SEM1: variants seen among roughly 807,000 people sequenced by gnomAD.
SEM1 encodes the protein 26S proteasome complex subunit SEM1.
A neutral mutation model predicts 12.7 loss-of-function variants in SEM1; 3 were observed. The observed-to-expected ratio is 0.24, with a 90% CI of 0.11 to 0.61. SEM1 has a LOEUF of 0.61. Among genes scored for constraint, SEM1 ranks in the 20% least tolerant of loss-of-function variants. The pLI is 0.88. For missense variants in SEM1, 59 were observed against 81.3 expected, an observed-to-expected ratio of 0.73 and a Z score of 1.06; for synonymous variants, 30 against 27.8, an observed-to-expected ratio of 1.08 and a Z score of -0.25.
intron 2 of SEM1, among the ~76,000 whole-genome samples, chr7:96,644,334 T>G (rs367580914): frequency 6.6e-6 from 1 of 152,146 alleles, no homozygotes; most frequent in African/African-American, 2.4e-5. Flanking sequence ...CCAAGTTCTA[T>G]CAGCCTTGTA....
chr7:96,709,395 T>C (rs908311818), intron 1 of SEM1, among the ~76,000 whole-genome samples: 1 of 152,112 alleles, frequency 6.6e-6, no homozygotes, highest in South Asian at 2.1e-4. Context: ...GTAACCCAGG[T>C]GAACAGTAAA....
intron 3 of SEM1, among the ~76,000 whole-genome samples, chr7:96,484,329 A>G (rs1802665791): frequency 6.6e-6 from 1 of 152,152 alleles, no homozygotes; most frequent in Non-Finnish European, 1.5e-5. Context: ...CTTCACCACA[A>G]TGACTTTAAC....
At chr7:96,687,836 T>C (rs1488072518), downstream of SEM1, 1 of 152,110 alleles carries the variant, frequency 6.6e-6, no homozygotes, top group Non-Finnish European at 1.5e-5. Flanking sequence ...AAAACTTTTA[T>C]ACTTTCCAAA....
chr7:96,675,071 G>A (rs1047483261), intron 2 of SEM1, among the ~76,000 whole-genome samples: 17 of 152,064 alleles, frequency 1.1e-4, no homozygotes, highest in East Asian at 1.9e-4. Context: ...TCATGGACAT[G>A]GCCATCATCC....
At position 96,486,088 on chromosome 7, in the gene SEM1, T is replaced by C. The variant is rs984376955; in HGVS notation, c.227+115A>G. 50 of 701,034 alleles carry C rather than the reference T, an allele frequency of 7.1e-5. No individual in the cohort carries two copies. The African/African-American group carries it at 7.7e-4, about 11-fold the overall frequency. The allele number at this position is 701,034 out of a possible 1,614,324, so 43.4% of individuals were successfully genotyped here. A position where few individuals can be genotyped will look rare whatever the true frequency, so the allele number is the denominator to read the frequency against. On this transcript the variant is annotated intron_variant, in intron 2 of 3. Transcript: ENST00000356686. ...AAATATCACGTGTAAAGATCACGGT[T>C]GAGTATGTCACAATGTTGCTGGCCT...
chr7:96,558,572 G>A (rs1368515583), intron 2 of SEM1, among the ~76,000 whole-genome samples: 3 of 152,138 alleles, frequency 2.0e-5, no homozygotes, highest in Non-Finnish European at 4.4e-5. Context: ...GCATGGCCTA[G>A]TTGTTTCTTA....
chr7:96,651,618 C>G (rs1391895784), intron 2 of SEM1, among the ~76,000 whole-genome samples: 1 of 152,210 alleles, frequency 6.6e-6, no homozygotes, highest in East Asian at 1.9e-4. Context: ...GTCACCCAGG[C>G]TGGAGTGCAG....
chr7:96,489,376 G>T (rs1050108775), intron 1 of SEM1, among the ~76,000 whole-genome samples: 1 of 152,098 alleles, frequency 6.6e-6, no homozygotes, highest in Non-Finnish European at 1.5e-5. Flanking sequence ...TTTAATTTGG[G>T]AAGCCTGTGT....
At chr7:96,688,588 G>A (rs926325567), downstream of SEM1, 1 of 171,978 alleles carries the variant, frequency 5.8e-6, no homozygotes, top group Non-Finnish European at 1.2e-5. Context: ...ACTGAATTGG[G>A]AATCAGGTGA....
intron 2 of SEM1, among the ~76,000 whole-genome samples, chr7:96,683,752 C>G (rs940426933): frequency 5.9e-5 from 9 of 152,230 alleles, no homozygotes; most frequent in African/African-American, 2.2e-4. Context: ...AAGCTGGAAA[C>G]CATCATTCTC....
At chr7:96,707,257 C>A (rs1790495084) in intron 1 of SEM1, among the ~76,000 whole-genome samples, 1 of 152,244 alleles carries the variant, frequency 6.6e-6, no homozygotes, top group South Asian at 2.1e-4. Flanking sequence ...CAAAACATGT[C>A]GGAAATGTAG....
intron 3 of SEM1, chr7:96,506,520 C>T (rs1297044357): frequency 6.6e-6 from 1 of 151,960 alleles, no homozygotes; most frequent in Non-Finnish European, 1.5e-5. Flanking sequence ...CCTAAGGAAA[C>T]TCCAAAATTT....
At chr7:96,608,991 C>T (rs935286032) in intron 2 of SEM1, among the ~76,000 whole-genome samples, 6 of 152,202 alleles carry the variant, frequency 3.9e-5, no homozygotes, top group South Asian at 2.1e-4. Context: ...AATACCCAAT[C>T]GTATTTAACT....
At chr7:96,647,691 C>T (rs774134592) in intron 2 of SEM1, among the ~76,000 whole-genome samples, 1 of 152,110 alleles carries the variant, frequency 6.6e-6, no homozygotes, top group Non-Finnish European at 1.5e-5. Context: ...ATCCCATGAA[C>T]ACATTGTAAT....
At chr7:96,677,422 G>A (rs1789479021) in intron 2 of SEM1, among the ~76,000 whole-genome samples, 1 of 152,184 alleles carries the variant, frequency 6.6e-6, no homozygotes, top group South Asian at 2.1e-4. Flanking sequence ...TTCTCTAGCA[G>A]TTTGTGTTGT....
intron 2 of SEM1, among the ~76,000 whole-genome samples, chr7:96,560,798 A>G (rs1187574742): frequency 6.6e-6 from 1 of 152,018 alleles, no homozygotes; most frequent in Non-Finnish European, 1.5e-5. Context: ...TAGGGCTCCT[A>G]TATCAAATAT....
intron 2 of SEM1, among the ~76,000 whole-genome samples, chr7:96,575,084 T>C (rs904624717): frequency 1.3e-5 from 2 of 152,222 alleles, no homozygotes; most frequent in Non-Finnish European, 2.9e-5. Context: ...CACTGGTTTT[T>C]CCTCATCTTT....
intron 1 of SEM1, among the ~76,000 whole-genome samples, chr7:96,706,561 T>TCAAACAAA (rs1335203282): frequency 1.2e-5 from 1 of 80,748 alleles, no homozygotes; most frequent in Non-Finnish European, 2.2e-5. Context: ...AAACTCCATC[T>TCAAACAAA]CAAACAAACA....
chr7:96,675,613 G>A (rs544737509), intron 2 of SEM1, among the ~76,000 whole-genome samples: 4 of 152,262 alleles, frequency 2.6e-5, no homozygotes, highest in African/African-American at 4.8e-5. Context: ...CTCAAATGGC[G>A]TGTGGTCTTA....
Sources: gnomAD v4.1 joint callset for allele counts (sites outside exome capture counted in the v4.1 genomes callset) on GRCh38, gnomAD v4.1.1 for gene constraint, MANE v1.5 for transcripts, NCBI Gene and HGNC (gene_info 2026-07-23, HGNC 2026-07-21) for gene names.